Variants in CAMTA1 observed in about 807,000 individuals in gnomAD.
CAMTA1 encodes calmodulin-binding transcription activator 1.
A neutral mutation model predicts 170.9 loss-of-function variants in CAMTA1; 27 were observed. The observed-to-expected ratio is 0.16, with a 90% CI of 0.12 to 0.22. The LOEUF (loss-of-function observed/expected upper bound fraction) is 0.22, where lower values mean the gene tolerates loss of function less well. Among genes scored for constraint, CAMTA1 ranks in the 10% least tolerant of loss-of-function variants. The pLI, the probability that CAMTA1 is intolerant of heterozygous loss-of-function variation, is 1.00. For missense variants in CAMTA1, 1,619 were observed against 2,217.2 expected (o/e 0.73, Z 5.42); for synonymous variants, 833 against 891.5 (o/e 0.93, Z 1.17).
chr1:7,747,046 T>C (rs1258278826), intron 18 of CAMTA1, among the ~76,000 whole-genome samples: 1 of 152,254 alleles, frequency 6.6e-6, no homozygotes, highest in Non-Finnish European at 1.5e-5. Context: ...TAATGTCACA[T>C]TAAATAATTC....
At chr1:7,103,722 T>C (rs1573059811) in intron 4 of CAMTA1, among the ~76,000 whole-genome samples, 1 of 141,142 alleles carries the variant, frequency 7.1e-6, no homozygotes, top group African/African-American at 2.6e-5. Flanking sequence ...ATGACACACA[T>C]GTACACACCA....
chr1:7,091,472 A>C lies in CAMTA1; in HGVS notation c.302+101A>C, dbSNP rs1572967591. 3 of 876,790 alleles carry C rather than the reference A, an allele frequency of 3.4e-6. No homozygotes were observed. In the East Asian group the frequency reaches 7.3e-5, roughly 21 times the overall value. The allele number at this position is 876,790 out of a possible 1,614,324, so 54.3% of individuals were successfully genotyped here. On this transcript the variant is annotated intron_variant, in intron 4 of 22. Transcript: ENST00000303635. ...CAGTGAATTCATGGGCAACGAGTTG[A>C]AAATGCCATGTTGTGCTGGATGGCT... is the stretch of plus-strand genomic sequence containing the variant.
chr1:6,952,331 T>C (rs12141809), intron 3 of CAMTA1, among the ~76,000 whole-genome samples: 100,504 of 149,678 alleles, frequency 0.67, 34,004 homozygotes, highest in East Asian at 0.84. Context: ...CTCAGGAGGC[T>C]GAGGCAGGAG....
chr1:7,429,829 G>T (rs1027642075), intron 5 of CAMTA1, among the ~76,000 whole-genome samples: 3 of 152,150 alleles, frequency 2.0e-5, no homozygotes, highest in Admixed American at 2.0e-4. Flanking sequence ...TTTCAATCAT[G>T]GCAGAAGGCA....
chr1:7,444,382 T>G (rs1157124444), intron 5 of CAMTA1, among the ~76,000 whole-genome samples: 1 of 152,176 alleles, frequency 6.6e-6, no homozygotes, highest in Non-Finnish European at 1.5e-5. Flanking sequence ...TTCTGCCACG[T>G]GATGGGCTGG....
Position 7,681,341 on chromosome 1 carries a change from A to G in CAMTA1, c.2914+3608A>G, listed in dbSNP as rs1243208874. On this transcript the variant is annotated intron_variant, in intron 11 of 22. Transcript: ENST00000303635. This position sits in a 1 kb window ranked among gnomAD's most constrained non-coding sequence, Gnocchi z 4.6. ...TGGTAAGGAAGGTTTCACAGAGGAA[A>G]CGACCCCCTTGGTGAGACCTGAAGC... Among the ~76,000 whole-genome samples the G allele has an allele frequency of 6.6e-6, 1 of 152,216 alleles. No homozygotes were observed. The highest frequency in any genetic ancestry group is 6.5e-5 in the Admixed American group (1 of 15,280).
At chr1:7,254,178 T>A (rs990412437) in intron 5 of CAMTA1, among the ~76,000 whole-genome samples, 1 of 152,124 alleles carries the variant, frequency 6.6e-6, no homozygotes, top group Non-Finnish European at 1.5e-5. Flanking sequence ...CAATGTGACT[T>A]GAAGCAACAG....
chr1:6,935,389 CA>C (rs35838971), intron 3 of CAMTA1, among the ~76,000 whole-genome samples: 43 of 147,214 alleles, frequency 2.9e-4, no homozygotes, highest in Non-Finnish European at 4.7e-4. Context: ...GCACCTGCAG[CA>C]AAAAAAAAAT....
Position 7,673,926 on chromosome 1 carries a change from C to T in CAMTA1, c.2779+2889C>T, listed in dbSNP as rs908686375. Among the ~76,000 whole-genome samples, 19 of 152,176 alleles carry T rather than the reference C, an allele frequency of 1.2e-4. No homozygotes were observed. The highest frequency in any genetic ancestry group is 2.1e-4 in the Non-Finnish European group (14 of 68,042). Reference sequence around the variant, plus strand: ...CGGGCCCCTGATCGTAAGGGGCTCTCGGTCCAGGGAGGAGTGCAGTGCGCA... The same window carrying T: ...CGGGCCCCTGATCGTAAGGGGCTCTTGGTCCAGGGAGGAGTGCAGTGCGCA... On this transcript the variant is annotated intron_variant, in intron 10 of 22. Coordinates refer to ENST00000303635, the MANE Select transcript of CAMTA1 (RefSeq NM_015215.4). This position sits in a 1 kb window ranked among gnomAD's most constrained non-coding sequence, Gnocchi z 4.6.
At chr1:6,874,492 C>G (rs563719493) in intron 3 of CAMTA1, 12 of 152,386 alleles carry the variant, frequency 7.9e-5, no homozygotes, top group Non-Finnish European at 1.5e-4. Context: ...GTGGCTGATC[C>G]TCACACCCAG....
chr1:7,572,443 GC>G (rs751347046), intron 6 of CAMTA1, among the ~76,000 whole-genome samples: 2 of 152,122 alleles, frequency 1.3e-5, no homozygotes, highest in African/African-American at 2.4e-5. Flanking sequence ...GTATTTTCTA[GC>G]TTATCTTCCA....
intron 6 of CAMTA1, among the ~76,000 whole-genome samples, chr1:7,625,428 A>G (rs1344324983): frequency 6.6e-6 from 1 of 152,228 alleles, no homozygotes; most frequent in Non-Finnish European, 1.5e-5. Context: ...TCGGGCTGAC[A>G]GGGTCTTGGC....
At chr1:7,365,273 C>A (rs945369448) in intron 5 of CAMTA1, among the ~76,000 whole-genome samples, 14 of 152,244 alleles carry the variant, frequency 9.2e-5, no homozygotes, top group Non-Finnish European at 2.1e-4. Context: ...AACACCCATT[C>A]AGGCATCAGA....
chr1:7,058,907 T>TCC (rs397731867), intron 3 of CAMTA1, among the ~76,000 whole-genome samples: 1 of 150,704 alleles, frequency 6.6e-6, no homozygotes, highest in African/African-American at 2.4e-5. Flanking sequence ...TCTCTCTCTC[T>TCC]TTCTTTCCTG....
chr1:6,894,213 A>C (rs1428885030), intron 3 of CAMTA1, among the ~76,000 whole-genome samples: 3 of 152,224 alleles, frequency 2.0e-5, no homozygotes, highest in Non-Finnish European at 4.4e-5. Context: ...TAGGTTTTGC[A>C]TTTTAGGTTC....
At chr1:6,872,641 A>G (rs1278733060) in intron 3 of CAMTA1, among the ~76,000 whole-genome samples, 1 of 152,228 alleles carries the variant, frequency 6.6e-6, no homozygotes, top group African/African-American at 2.4e-5. Flanking sequence ...TGTTTTTCAA[A>G]CAATGCATTT....
At chr1:7,445,326 T>C (rs2092653032) in intron 5 of CAMTA1, among the ~76,000 whole-genome samples, 1 of 151,318 alleles carries the variant, frequency 6.6e-6, no homozygotes, top group Non-Finnish European at 1.5e-5. Flanking sequence ...GCCGCTGCTA[T>C]GAGGAAAGAC....
intron 3 of CAMTA1, among the ~76,000 whole-genome samples, chr1:6,928,623 T>G (rs1197993202): frequency 6.6e-6 from 1 of 152,086 alleles, no homozygotes; most frequent in Non-Finnish European, 1.5e-5. Flanking sequence ...GCCTCACTCC[T>G]CCTCCCTCAC....
In CAMTA1 at chr1:7,301,775, C is replaced by T. The variant is rs556331065; in HGVS notation, c.438+52149C>T. On this transcript the variant is annotated intron_variant, in intron 5 of 22. Coordinates refer to ENST00000303635, the MANE Select transcript of CAMTA1 (RefSeq NM_015215.4). ...ATGCTTTTCTCTCTAGCCCACTTCT[C>T]GAGGGCAGCCTGGCCTCCTGCTACC... 2.1e-4 allele frequency among the ~76,000 whole-genome samples: 32 copies of T among 152,294 alleles called. 1 individual carries two copies. The highest frequency in any genetic ancestry group is 7.7e-4 in the African/African-American group (32 of 41,570).
Sources: allele counts gnomAD v4.1 joint callset (sites outside exome capture counted in the v4.1 genomes callset), GRCh38; gene constraint gnomAD v4.1.1; non-coding constraint Gnocchi (gnomAD v3.1); transcripts MANE v1.5; gene names NCBI Gene and HGNC (gene_info 2026-07-23, HGNC 2026-07-21).